The following ZNF362 variants were observed in gnomAD, a reference collection of about 807,000 sequenced individuals.
ZNF362 encodes zinc finger protein 362.
Under a neutral mutation model 42.9 loss-of-function variants are expected in ZNF362, and 11 were observed. The ratio of observed to expected loss-of-function variants is 0.26; its 90% CI spans 0.16 to 0.42. The LOEUF is 0.42. Ranked by LOEUF, ZNF362 falls within the 20% of genes least tolerant of loss-of-function variation. The pLI, the probability that ZNF362 is intolerant of heterozygous loss-of-function variation, is 1.00. For missense variants in ZNF362, 362 were observed against 576.2 expected, an observed-to-expected ratio of 0.63 and a Z score of 3.81; for synonymous variants, 255 against 257.3, an observed-to-expected ratio of 0.99 and a Z score of 0.09.
chr1:33,208,724 C>G, the ZNF362 span, among the ~76,000 whole-genome samples: 1 of 151,418 alleles, frequency 6.6e-6, no homozygotes, highest in South Asian at 2.1e-4. Context: ...TGATTTGGCT[C>G]TCTGTTATTG....
the ZNF362 span, among the ~76,000 whole-genome samples, chr1:33,155,449 A>G: frequency 1.3e-5 from 2 of 151,824 alleles, no homozygotes; most frequent in Middle Eastern, 3.2e-3. Flanking sequence ...GATGGAAGAA[A>G]CTCTGACCCC....
chr1:33,260,312 C>T (rs1209086884), intron 1 of ZNF362, among the ~76,000 whole-genome samples: 2 of 152,236 alleles, frequency 1.3e-5, no homozygotes, highest in Non-Finnish European at 1.5e-5. Flanking sequence ...CTTGGCTCCC[C>T]GCATCCCATT....
At chr1:33,286,418 C>A (rs556149139) in intron 6 of ZNF362, among the ~76,000 whole-genome samples, 10 of 151,698 alleles carry the variant, frequency 6.6e-5, no homozygotes, top group African/African-American at 2.4e-4. Context: ...AATTAACAGG[C>A]CTTTGAAGGA....
the ZNF362 span, among the ~76,000 whole-genome samples, chr1:33,213,920 C>G: frequency 6.6e-6 from 1 of 151,834 alleles, no homozygotes; most frequent in African/African-American, 2.4e-5. Flanking sequence ...CAAGATTGAA[C>G]GAAAACACCT....
At chr1:33,224,958 C>A in the ZNF362 span, among the ~76,000 whole-genome samples, 1 of 152,182 alleles carries the variant, frequency 6.6e-6, no homozygotes, top group Non-Finnish European at 1.5e-5. Context: ...TGACAGTGGA[C>A]TTCTCCACAG....
At chr1:33,262,811 C>G (rs1401476887) in intron 1 of ZNF362, among the ~76,000 whole-genome samples, 1 of 152,244 alleles carries the variant, frequency 6.6e-6, no homozygotes, top group African/African-American at 2.4e-5. Context: ...TCTGCTATTT[C>G]AGAAATACCA....
the ZNF362 span, among the ~76,000 whole-genome samples, chr1:33,179,107 G>T: frequency 6.6e-6 from 1 of 152,262 alleles, no homozygotes; most frequent in East Asian, 1.9e-4. Flanking sequence ...ATGATGAAGA[G>T]GTTGGACAGA....
chr1:33,205,476 C>A, the ZNF362 span, among the ~76,000 whole-genome samples: 1 of 151,372 alleles, frequency 6.6e-6, no homozygotes, highest in Non-Finnish European at 1.5e-5. Context: ...CAAATAAAGA[C>A]CCTATCTCAA....
At chr1:33,232,858 C>G in the ZNF362 span, among the ~76,000 whole-genome samples, 472 of 152,320 alleles carry the variant, frequency 3.1e-3, 15 homozygotes, top group East Asian at 0.08. Context: ...CTTCAACTGC[C>G]TCTCTGTGTT....
the ZNF362 span, among the ~76,000 whole-genome samples, chr1:33,138,922 A>C: frequency 6.6e-6 from 1 of 152,216 alleles, no homozygotes; most frequent in Non-Finnish European, 1.5e-5. Flanking sequence ...ACCACAGAAC[A>C]CATAGAAAGA....
chr1:33,223,857 C>T, the ZNF362 span, among the ~76,000 whole-genome samples: 1 of 147,654 alleles, frequency 6.8e-6, no homozygotes, highest in Non-Finnish European at 1.5e-5. Flanking sequence ...CACGTCACTA[C>T]ACTCCAGCCT....
chr1:33,281,487 A>G lies in ZNF362; in HGVS notation c.684-100A>G, dbSNP rs988351540. On this transcript the variant is annotated intron_variant, in intron 5 of 8. Transcript: ENST00000539719. This position sits in a 1 kb window ranked among gnomAD's most constrained non-coding sequence, Gnocchi z 4.8. ...GTGCTTCTTGGGCTCATCACAGGAA[A>G]GACCTGTCCCAGGTGCAAGGTCTCT... 9.5e-6 allele frequency: 11 copies of G among 1,156,796 alleles called. No individual in the cohort carries two copies. The highest frequency in any genetic ancestry group is 1.4e-5 in the Non-Finnish European group (11 of 791,772). 71.7% of individuals were successfully genotyped at this position (1,156,796 alleles called of 1,614,324 possible).
chr1:33,145,748 A>C, the ZNF362 span: 1 of 407,268 alleles, frequency 2.5e-6, no homozygotes, highest in Non-Finnish European at 5.1e-6. Context: ...GATAGAGCCA[A>C]GGGGCAGGAC....
chr1:33,206,159 G>A, the ZNF362 span, among the ~76,000 whole-genome samples: 2 of 151,998 alleles, frequency 1.3e-5, no homozygotes, highest in Non-Finnish European at 2.9e-5. Flanking sequence ...TAGAAAATTA[G>A]CATATAAAAA....
chr1:33,165,840 ACT>A, the ZNF362 span: 7 of 286,650 alleles, frequency 2.4e-5, no homozygotes, highest in Non-Finnish European at 4.5e-5. The surrounding 1 kb of genome is among the most constrained non-coding windows in gnomAD (Gnocchi z 4.0). Flanking sequence ...CCACATACAC[ACT>A]CTCTGGCTCC....
the ZNF362 span, among the ~76,000 whole-genome samples, chr1:33,184,297 T>A: frequency 6.6e-6 from 1 of 152,274 alleles, no homozygotes; most frequent in South Asian, 2.1e-4. Flanking sequence ...ATTATCCCCG[T>A]TTTATAGAGG....
At chr1:33,239,593 C>A in the ZNF362 span, among the ~76,000 whole-genome samples, 1 of 152,156 alleles carries the variant, frequency 6.6e-6, no homozygotes, top group Non-Finnish European at 1.5e-5. Context: ...AAGCAGGCGC[C>A]TGCTTCACGG....
chr1:33,227,606 A>G, the ZNF362 span, among the ~76,000 whole-genome samples: 1 of 152,178 alleles, frequency 6.6e-6, no homozygotes, highest in Non-Finnish European at 1.5e-5. Context: ...CAAGAGGTAG[A>G]GATAAACCAT....
the ZNF362 span, among the ~76,000 whole-genome samples, chr1:33,140,926 G>C: frequency 6.6e-6 from 1 of 152,196 alleles, no homozygotes; most frequent in Non-Finnish European, 1.5e-5. The surrounding 1 kb of genome is among the most constrained non-coding windows in gnomAD (Gnocchi z 4.0). Flanking sequence ...GGAGACACCA[G>C]AATCCACAAG....
Sources: allele counts gnomAD v4.1 joint callset (sites outside exome capture counted in the v4.1 genomes callset), GRCh38; gene constraint gnomAD v4.1.1; non-coding constraint Gnocchi (gnomAD v3.1); transcripts MANE v1.5; gene names NCBI Gene and HGNC (gene_info 2026-07-23, HGNC 2026-07-21).